Variants in ZBTB38 observed in about 807,000 individuals in gnomAD.
ZBTB38 encodes zinc finger and BTB domain-containing protein 38.
In ZBTB38, 20 loss-of-function variants were observed where a neutral mutation model predicts 76.8. The ratio of observed to expected loss-of-function variants is 0.26; its 90% CI spans 0.18 to 0.38. The LOEUF is 0.38. Among genes scored for constraint, ZBTB38 ranks in the 10% least tolerant of loss-of-function variants. The pLI, the probability that ZBTB38 is intolerant of heterozygous loss-of-function variation, is 1.00. For synonymous variants in ZBTB38, 504 were observed against 544.2 expected (o/e 0.93, Z 1.03); for missense variants, 1,082 against 1,482.3 (o/e 0.73, Z 4.43).
At chr3:141,382,593 A>G (rs1946354021) in intron 3 of ZBTB38, among the ~76,000 whole-genome samples, 1 of 152,102 alleles carries the variant, frequency 6.6e-6, no homozygotes, top group Non-Finnish European at 1.5e-5. Context: ...ATTTTCATTT[A>G]TTTTGCCTCA....
chr3:141,409,896 A>G (rs1418640183), intron 5 of ZBTB38, among the ~76,000 whole-genome samples: 1 of 152,200 alleles, frequency 6.6e-6, no homozygotes, highest in Non-Finnish European at 1.5e-5. Flanking sequence ...GAGGAACTCT[A>G]CAGGGGGCTA....
At chr3:141,396,894 G>GT (rs1950468046) in intron 4 of ZBTB38, among the ~76,000 whole-genome samples, 1 of 152,172 alleles carries the variant, frequency 6.6e-6, no homozygotes, top group Admixed American at 6.5e-5. Context: ...TCTAGTCATT[G>GT]TTGTTCCATT....
At chr3:141,418,029 A>G (rs2074474179) in intron 5 of ZBTB38, among the ~76,000 whole-genome samples, 1 of 152,160 alleles carries the variant, frequency 6.6e-6, no homozygotes, top group African/African-American at 2.4e-5. Flanking sequence ...TAAATAAATA[A>G]AAAATAAAAA....
intron 5 of ZBTB38, chr3:141,432,363 T>G (rs1036681031): frequency 1.1e-5 from 9 of 842,548 alleles, no homozygotes; most frequent in Non-Finnish European, 1.3e-5. Flanking sequence ...CTGTTGTTAT[T>G]ATGTACGTTA....
intron 5 of ZBTB38, among the ~76,000 whole-genome samples, chr3:141,414,418 G>A (rs74441190): frequency 0.023 from 3,573 of 152,276 alleles, 67 homozygotes; most frequent in East Asian, 0.057. Context: ...CCCAGCCCAG[G>A]GAAAAGTAAA....
At chr3:141,350,888 A>G (rs138106738) in intron 1 of ZBTB38, among the ~76,000 whole-genome samples, 243 of 152,354 alleles carry the variant, frequency 1.6e-3, no homozygotes, top group African/African-American at 5.6e-3. Context: ...ATGCGCTAGC[A>G]ATATAAGCAT....
intron 5 of ZBTB38, among the ~76,000 whole-genome samples, chr3:141,415,466 G>A (rs1450422797): frequency 6.6e-6 from 1 of 152,136 alleles, no homozygotes; most frequent in Non-Finnish European, 1.5e-5. Context: ...TGGCAGCATG[G>A]ACATCCTCTG....
chr3:141,414,375 C>T (rs907643318), intron 5 of ZBTB38, among the ~76,000 whole-genome samples: 1 of 152,228 alleles, frequency 6.6e-6, no homozygotes, highest in African/African-American at 2.4e-5. Context: ...CCAGTCTTCT[C>T]CTGCAGAGCG....
At chr3:141,398,407 C>T (rs557649954) in intron 4 of ZBTB38, among the ~76,000 whole-genome samples, 49 of 152,166 alleles carry the variant, frequency 3.2e-4, no homozygotes, top group Admixed American at 5.2e-4. Context: ...CTTTTATCTA[C>T]GCATGGTGCA....
At chr3:141,379,552 G>A (rs1446261582) in intron 2 of ZBTB38, among the ~76,000 whole-genome samples, 9 of 152,204 alleles carry the variant, frequency 5.9e-5, no homozygotes, top group African/African-American at 2.2e-4. Context: ...TCTCGGGCCT[G>A]GCTGTGAGTT....
At chr3:141,395,708 A>T (rs146340492) in intron 4 of ZBTB38, among the ~76,000 whole-genome samples, 2 of 152,204 alleles carry the variant, frequency 1.3e-5, no homozygotes, top group East Asian at 3.8e-4. Context: ...TCTGCATTTC[A>T]TATAATTTTC....
At chr3:141,340,633 C>T (rs1050031829) in intron 1 of ZBTB38, among the ~76,000 whole-genome samples, 3 of 152,104 alleles carry the variant, frequency 2.0e-5, no homozygotes, top group Non-Finnish European at 4.4e-5. Context: ...CGTGGTGGCT[C>T]ACGCCTGTAA....
intron 1 of ZBTB38, among the ~76,000 whole-genome samples, chr3:141,327,769 A>G (rs1176071245): frequency 1.3e-5 from 2 of 152,246 alleles, no homozygotes; most frequent in African/African-American, 2.4e-5. Context: ...GAAACTGGGT[A>G]ATGGGTATAT....
At chr3:141,377,690 C>A (rs1448279015) in intron 2 of ZBTB38, among the ~76,000 whole-genome samples, 1 of 152,184 alleles carries the variant, frequency 6.6e-6, no homozygotes, top group African/African-American at 2.4e-5. Context: ...TACCTAAAAA[C>A]TGGAAAATAG....
At chr3:141,356,867 A>G (rs1943677870) in intron 1 of ZBTB38, among the ~76,000 whole-genome samples, 1 of 152,280 alleles carries the variant, frequency 6.6e-6, no homozygotes, top group Admixed American at 6.5e-5. Flanking sequence ...AATTGGGGAA[A>G]AAAGATTTAA....
rs1451092592 is a variant in ZBTB38, at chr3:141,382,039, C to A, written c.-172+552C>A. On this transcript the variant is annotated intron_variant, in intron 3 of 5. Transcript: ENST00000321464. ...ATTTAAAAATATGTTGGAAAAAAAT[C>A]ATAATAGCTACTTAGGTTATCTGTT... Among the ~76,000 whole-genome samples the A allele has an allele frequency of 2.6e-5, 4 of 152,092 alleles. 1 individual carries two copies. In the South Asian group the frequency reaches 8.3e-4, roughly 31 times the overall value.
chr3:141,409,385 C>G (rs1417789669), intron 5 of ZBTB38, among the ~76,000 whole-genome samples: 3 of 152,132 alleles, frequency 2.0e-5, no homozygotes, highest in Non-Finnish European at 2.9e-5. Context: ...GTCTGACTCA[C>G]AAGGCCAGCC....
chr3:141,424,588 G>A (rs10513137), intron 5 of ZBTB38, among the ~76,000 whole-genome samples: 24,400 of 152,096 alleles, frequency 0.16, 2,856 homozygotes, highest in African/African-American at 0.32. Flanking sequence ...TAACAATGCA[G>A]CTAAAGAAAG....
At chr3:141,393,826 A>G (rs1201090165) in intron 4 of ZBTB38, among the ~76,000 whole-genome samples, 1 of 152,186 alleles carries the variant, frequency 6.6e-6, no homozygotes, top group Non-Finnish European at 1.5e-5. Flanking sequence ...TGCAGGTTGC[A>G]GGCCTACGGC....
Sources: gnomAD v4.1 joint callset for allele counts (sites outside exome capture counted in the v4.1 genomes callset) on GRCh38, gnomAD v4.1.1 for gene constraint, MANE v1.5 for transcripts, NCBI Gene and HGNC (gene_info 2026-07-23, HGNC 2026-07-21) for gene names.